PTDSS1: variants seen among roughly 807,000 people sequenced by gnomAD.
PTDSS1 encodes the protein PSS-1.
A neutral mutation model predicts 70.5 loss-of-function variants in PTDSS1; 45 were observed. That is an observed-to-expected ratio of 0.64 (90% confidence interval 0.50 to 0.82). PTDSS1 has a LOEUF of 0.82. PTDSS1 is among the 40% of genes least tolerant of loss of function. The probability of loss-of-function intolerance (pLI) is 0.00; values close to 1 mark genes in which losing one functional copy is unlikely to be tolerated. For synonymous variants in PTDSS1, 188 were observed against 203.8 expected, an observed-to-expected ratio of 0.92 and a Z score of 0.66; for missense variants, 417 against 586.1, an observed-to-expected ratio of 0.71 and a Z score of 2.98.
At chr8:96,281,389 G>A (rs1023010945) in intron 2 of PTDSS1, among the ~76,000 whole-genome samples, 2 of 152,134 alleles carry the variant, frequency 1.3e-5, no homozygotes, top group Non-Finnish European at 2.9e-5. Flanking sequence ...CCTAGACTGG[G>A]TTTTGAAGTT....
At chr8:96,288,462 T>A (rs1384729030) in intron 4 of PTDSS1, among the ~76,000 whole-genome samples, 1 of 151,734 alleles carries the variant, frequency 6.6e-6, no homozygotes, top group African/African-American at 2.4e-5. Flanking sequence ...ATAGCTAGGA[T>A]TACAGGCGCC....
chr8:96,289,933 T>TATG (rs1563569366), intron 4 of PTDSS1, among the ~76,000 whole-genome samples: 1 of 152,162 alleles, frequency 6.6e-6, no homozygotes, highest in Non-Finnish European at 1.5e-5. Flanking sequence ...CTTCTTAGCC[T>TATG]ATGATGATGA....
chr8:96,295,018 C>A, intron 4 of PTDSS1, 80 bp from the exon 5 acceptor site: 8 of 1,366,264 alleles, frequency 5.9e-6, no homozygotes, highest in Non-Finnish European at 8.0e-6. Context: ...CATATCTATT[C>A]TTTTTATTTA....
chr8:96,285,468 A>G (rs1426613286), intron 3 of PTDSS1, among the ~76,000 whole-genome samples: 1 of 152,176 alleles, frequency 6.6e-6, no homozygotes. Context: ...GAGTGACCTG[A>G]TTCCATTTAC....
At chr8:96,308,643 G>A (rs1040424623) in intron 8 of PTDSS1, among the ~76,000 whole-genome samples, 8 of 152,214 alleles carry the variant, frequency 5.3e-5, no homozygotes, top group African/African-American at 1.2e-4. Flanking sequence ...GAAATGTGCC[G>A]TGCATGGAAA....
Position 96,276,980 on chromosome 8 carries a change from GCACACA to G in PTDSS1, c.271+3618_271+3623del, listed in dbSNP as rs57116529. Among the ~76,000 whole-genome samples the G allele has an allele frequency of 6.3e-3, 921 of 146,008 alleles. 10 individuals are homozygous for G. The highest frequency in any genetic ancestry group is 0.041 in the South Asian group (189 of 4,618). ...GGCACATACACGCGCGCACGCGCGC[GCACACA>G]CACACACACACACACACACACACAC... On this transcript the variant is annotated intron_variant, in intron 2 of 12. Coordinates refer to ENST00000517309, the MANE Select transcript of PTDSS1 (RefSeq NM_014754.3).
chr8:96,307,845 A>T (rs1038057462), intron 8 of PTDSS1, among the ~76,000 whole-genome samples: 1 of 152,254 alleles, frequency 6.6e-6, no homozygotes, highest in East Asian at 1.9e-4. Context: ...ATGAAATTTC[A>T]GTACTAAACA....
intron 4 of PTDSS1, among the ~76,000 whole-genome samples, chr8:96,294,414 G>A (rs930026347): frequency 6.6e-6 from 1 of 152,070 alleles, no homozygotes; most frequent in Non-Finnish European, 1.5e-5. Context: ...CATATGATAA[G>A]ATATTAAATT....
At chr8:96,289,269 G>A (rs1413477989) in intron 4 of PTDSS1, among the ~76,000 whole-genome samples, 1 of 152,234 alleles carries the variant, frequency 6.6e-6, no homozygotes, top group Non-Finnish European at 1.5e-5. Context: ...TCTCCTTTCC[G>A]GAGGATGGAA....
rs956764820 is a variant in PTDSS1, at chr8:96,307,473, A to G, written c.1007+917A>G. Among the ~76,000 whole-genome samples the G allele has an allele frequency of 1.5e-4, 22 of 149,504 alleles. 1 individual carries two copies. The South Asian group carries it at 4.6e-3, about 31-fold the overall frequency. On this transcript the variant is annotated intron_variant, in intron 8 of 12. Transcript: ENST00000517309. ...CCAAAAAAAAAAAAAAAAAAAAAAAAAAAAAACCTCCAGATCCTGGATTCA... is the reference window on the plus strand; with the variant it reads ...CCAAAAAAAAAAAAAAAAAAAAAAAGAAAAAACCTCCAGATCCTGGATTCA...
At chr8:96,263,683 A>G (rs996160630) in intron 1 of PTDSS1, among the ~76,000 whole-genome samples, 2 of 152,192 alleles carry the variant, frequency 1.3e-5, no homozygotes, top group Admixed American at 6.5e-5. Context: ...GGTAGTCACA[A>G]GGATTGAGAG....
intron 1 of PTDSS1, among the ~76,000 whole-genome samples, chr8:96,265,119 T>G (rs1810468049): frequency 6.6e-6 from 1 of 152,250 alleles, no homozygotes; most frequent in Non-Finnish European, 1.5e-5. Context: ...TATGTTCTTT[T>G]GTAATGATTA....
At chr8:96,325,848 A>G (rs1379806786) in intron 10 of PTDSS1, among the ~76,000 whole-genome samples, 1 of 152,332 alleles carries the variant, frequency 6.6e-6, no homozygotes, top group South Asian at 2.1e-4. Flanking sequence ...TCAGAGTAGC[A>G]TCTTCATTAG....
chr8:96,323,299 C>T (rs544476869), intron 10 of PTDSS1, among the ~76,000 whole-genome samples: 1 of 152,348 alleles, frequency 6.6e-6, no homozygotes, highest in Admixed American at 6.5e-5. Flanking sequence ...GGCTCCAACC[C>T]CACATTTCTC....
intron 9 of PTDSS1, among the ~76,000 whole-genome samples, chr8:96,313,355 T>C (rs1334230719): frequency 6.6e-6 from 1 of 152,198 alleles, no homozygotes; most frequent in African/African-American, 2.4e-5. Flanking sequence ...AAAGGTCGGC[T>C]GTTTCTCTAT....
intron 5 of PTDSS1, among the ~76,000 whole-genome samples, chr8:96,296,801 C>T (rs571076413): frequency 6.6e-6 from 1 of 152,238 alleles, no homozygotes; most frequent in Non-Finnish European, 1.5e-5. Flanking sequence ...GTGAAGCCCA[C>T]GTTCCTGCCC....
intron 12 of PTDSS1, among the ~76,000 whole-genome samples, chr8:96,332,124 G>A (rs1366072968): frequency 6.6e-6 from 1 of 151,302 alleles, no homozygotes; most frequent in Non-Finnish European, 1.5e-5. Flanking sequence ...AGGCAGGGCA[G>A]TGTAAGAGAT....
At chr8:96,285,189 C>T (rs910484194) in intron 3 of PTDSS1, among the ~76,000 whole-genome samples, 1 of 152,174 alleles carries the variant, frequency 6.6e-6, no homozygotes, top group East Asian at 1.9e-4. Flanking sequence ...GGGAGTGATG[C>T]CAAGTCTGAA....
At chr8:96,331,574 CAA>C (rs1286667823) in intron 12 of PTDSS1, among the ~76,000 whole-genome samples, 14 of 122,698 alleles carry the variant, frequency 1.1e-4, no homozygotes, top group Admixed American at 1.7e-4. Context: ...GACTCTGTCT[CAA>C]AAAAAAAAAA....
Sources: gnomAD v4.1 joint callset for allele counts (sites outside exome capture counted in the v4.1 genomes callset) on GRCh38, gnomAD v4.1.1 for gene constraint, MANE v1.5 for transcripts, NCBI Gene and HGNC (gene_info 2026-07-23, HGNC 2026-07-21) for gene names.